Variants in MYO16 observed in about 807,000 individuals in gnomAD.
MYO16 encodes the protein myosin XVI, also known as unconventional myosin-XVI.
In MYO16, 94 loss-of-function variants were observed where a neutral mutation model predicts 205.3. The ratio of observed to expected loss-of-function variants is 0.46; its 90% CI spans 0.39 to 0.54. The LOEUF (loss-of-function observed/expected upper bound fraction) is 0.54, where lower values mean the gene tolerates loss of function less well. Among genes scored for constraint, MYO16 ranks in the 20% least tolerant of loss-of-function variants. The probability of loss-of-function intolerance (pLI) is 0.00; values close to 1 mark genes in which losing one functional copy is unlikely to be tolerated. For synonymous variants in MYO16, 988 were observed against 954.0 expected (o/e 1.04, Z -0.66); for missense variants, 2,315 against 2,387.5 (o/e 0.97, Z 0.63).
intron 21 of MYO16, 42 bp downstream of exon 21, chr13:108,992,490 T>C: frequency 7.9e-7 from 1 of 1,260,896 alleles, no homozygotes. Flanking sequence ...CTTGAATGGC[T>C]TTTGAAACTA....
chr13:108,606,736 G>A (rs1014512007), intron 1 of MYO16, among the ~76,000 whole-genome samples: 4 of 152,162 alleles, frequency 2.6e-5, no homozygotes, highest in African/African-American at 9.7e-5. Context: ...GCTATGAGAA[G>A]AGGGCCACCA....
chr13:108,897,509 G>A lies in MYO16; in HGVS notation c.1660-507G>A, dbSNP rs113105800. Among the ~76,000 whole-genome samples the A allele has an allele frequency of 1.6e-3, 249 of 152,304 alleles. 5 individuals are homozygous for A. The highest frequency in any genetic ancestry group is 5.7e-3 in the African/African-American group (238 of 41,552). On this transcript the variant is annotated intron_variant, in intron 14 of 34. Transcript: ENST00000457511. ...GTGTGAGGCAAAAGCACGGTACAGG[G>A]AGGATAAATGGGGGTCAGGGTTGAA...
chr13:108,820,512 G>A (rs1004007623), intron 8 of MYO16, 100 bp downstream of exon 8: 5 of 934,722 alleles, frequency 5.3e-6, no homozygotes, highest in African/African-American at 3.3e-5. Context: ...AGTGAGAGCT[G>A]GACATGCCTG....
intron 20 of MYO16, among the ~76,000 whole-genome samples, chr13:108,978,901 T>G: frequency 6.6e-6 from 1 of 152,018 alleles, no homozygotes; most frequent in Admixed American, 6.5e-5. Flanking sequence ...TCTTTCTTTT[T>G]TGACTCACAT....
chr13:108,774,852 A>C (rs934692622), intron 4 of MYO16, among the ~76,000 whole-genome samples: 1 of 152,298 alleles, frequency 6.6e-6, no homozygotes, highest in African/African-American at 2.4e-5. Context: ...GAGAAAGTAT[A>C]TATGTTTTTC....
At chr13:108,516,061 G>C in the MYO16 span, among the ~76,000 whole-genome samples, 64 of 145,944 alleles carry the variant, frequency 4.4e-4, no homozygotes, top group Non-Finnish European at 8.2e-4. Flanking sequence ...AATGGCGGGC[G>C]CCCCTCCCCC....
chr13:108,821,274 G>A (rs1279173708), intron 8 of MYO16, among the ~76,000 whole-genome samples: 1 of 152,084 alleles, frequency 6.6e-6, no homozygotes, highest in East Asian at 1.9e-4. Flanking sequence ...AAAGCCAGAA[G>A]AAGGGATTTT....
At chr13:108,908,964 C>A (rs547172149) in intron 15 of MYO16, among the ~76,000 whole-genome samples, 20 of 145,394 alleles carry the variant, frequency 1.4e-4, no homozygotes, top group Admixed American at 2.9e-4. Flanking sequence ...TAGAGTGAGA[C>A]TGTGTCTCAA....
chr13:108,821,552 GC>G (rs1875971217), intron 8 of MYO16, among the ~76,000 whole-genome samples: 1 of 152,088 alleles, frequency 6.6e-6, no homozygotes, highest in South Asian at 2.1e-4. Flanking sequence ...CACATCCTCG[GC>G]TAACTCTAGT....
the MYO16 span, among the ~76,000 whole-genome samples, chr13:108,543,732 CT>C: frequency 2.1e-5 from 2 of 93,260 alleles, no homozygotes; most frequent in Non-Finnish European, 3.8e-5. Flanking sequence ...CTTTCCCTTC[CT>C]TTTTTTCTTT....
intron 1 of MYO16, among the ~76,000 whole-genome samples, chr13:108,652,825 A>G (rs1881071187): frequency 6.6e-6 from 1 of 152,190 alleles, no homozygotes; most frequent in Non-Finnish European, 1.5e-5. Context: ...ACTTCTTGGC[A>G]ATTTTGAATA....
intron 3 of MYO16, among the ~76,000 whole-genome samples, chr13:108,716,850 A>G (rs931630918): frequency 3.3e-5 from 5 of 152,242 alleles, no homozygotes; most frequent in African/African-American, 7.2e-5. Context: ...TGTTTTGGCC[A>G]TATAGCATCT....
chr13:108,731,404 A>G (rs971853879), intron 4 of MYO16, among the ~76,000 whole-genome samples: 2 of 152,286 alleles, frequency 1.3e-5, no homozygotes, highest in African/African-American at 4.8e-5. Context: ...GTATAACCAC[A>G]TCCATCCTTT....
chr13:109,115,749 A>G (rs971311658), intron 28 of MYO16, among the ~76,000 whole-genome samples: 6 of 152,342 alleles, frequency 3.9e-5, no homozygotes, highest in African/African-American at 1.4e-4. Flanking sequence ...ATGTAAATCC[A>G]TGAAAATTCA....
chr13:109,171,352 A>G (rs1371122859), intron 33 of MYO16, among the ~76,000 whole-genome samples: 3 of 152,244 alleles, frequency 2.0e-5, no homozygotes, highest in Admixed American at 2.0e-4. Context: ...GCACTTTCTA[A>G]ATAAGGGCAC....
chr13:109,031,326 A>C (rs1886542321), intron 23 of MYO16, among the ~76,000 whole-genome samples: 1 of 152,156 alleles, frequency 6.6e-6, no homozygotes, highest in Admixed American at 6.6e-5. Context: ...TCCTGATCTC[A>C]GGTGATCCAC....
chr13:108,888,595 A>T, intron 14 of MYO16, 118 bp downstream of exon 14: 1 of 512,804 alleles, frequency 2.0e-6, no homozygotes, highest in Non-Finnish European at 3.4e-6. Flanking sequence ...TTGTGGAAAT[A>T]AAGAATAAAA....
At chr13:108,544,413 G>A in the MYO16 span, among the ~76,000 whole-genome samples, 2 of 152,052 alleles carry the variant, frequency 1.3e-5, no homozygotes, top group Non-Finnish European at 2.9e-5. Context: ...CACATGTGAG[G>A]GGTATATATT....
intron 20 of MYO16, among the ~76,000 whole-genome samples, chr13:108,974,386 C>T (rs1450778310): frequency 6.6e-6 from 1 of 152,100 alleles, no homozygotes; most frequent in East Asian, 1.9e-4. Context: ...ATACCATAAA[C>T]ATACACACAC....
Sources: gnomAD v4.1 joint callset for allele counts (sites outside exome capture counted in the v4.1 genomes callset) on GRCh38, gnomAD v4.1.1 for gene constraint, MANE v1.5 for transcripts, NCBI Gene and HGNC (gene_info 2026-07-23, HGNC 2026-07-21) for gene names.